The following GFI1B variants were observed in gnomAD, a reference collection of about 807,000 sequenced individuals.
GFI1B encodes the protein zinc finger protein Gfi-1b.
Under a neutral mutation model 35.3 loss-of-function variants are expected in GFI1B, and 20 were observed. The observed-to-expected ratio is 0.57, with a 90% confidence interval of 0.40 to 0.82. The LOEUF (loss-of-function observed/expected upper bound fraction) is 0.82, where lower values mean the gene tolerates loss of function less well. Ranked by LOEUF, GFI1B falls within the 40% of genes least tolerant of loss-of-function variation. GFI1B has a pLI of 0.00. For synonymous variants in GFI1B, 178 were observed against 177.6 expected, an observed-to-expected ratio of 1.00 and a Z score of -0.02; for missense variants, 430 against 446.3, an observed-to-expected ratio of 0.96 and a Z score of 0.33.
intron 1 of GFI1B, among the ~76,000 whole-genome samples, chr9:132,947,905 C>T (rs1441905037): frequency 7.0e-6 from 1 of 143,714 alleles, no homozygotes; most frequent in Non-Finnish European, 1.6e-5. Flanking sequence ...CGGCGTTTGC[C>T]GTATTTGAAC....
chr9:132,984,510 G>A (rs564694093), intron 1 of GFI1B, among the ~76,000 whole-genome samples: 21 of 152,182 alleles, frequency 1.4e-4, no homozygotes, highest in African/African-American at 2.9e-4. Context: ...GGCCTTGAGC[G>A]CGGCCCTGGC....
chr9:132,952,375 G>A (rs899015763), intron 1 of GFI1B: 18 of 152,004 alleles, frequency 1.2e-4, no homozygotes, highest in Admixed American at 3.9e-4. Context: ...GAGTATAGTG[G>A]CATGATCATG....
At chr9:132,982,005 G>C (rs1194557629) in intron 1 of GFI1B, among the ~76,000 whole-genome samples, 1 of 152,154 alleles carries the variant, frequency 6.6e-6, no homozygotes, top group Non-Finnish European at 1.5e-5. Context: ...CGCCTGCCTT[G>C]GCCTCCCAAA....
At chr9:132,948,796 G>T (rs984457418) in intron 1 of GFI1B, among the ~76,000 whole-genome samples, 1 of 152,252 alleles carries the variant, frequency 6.6e-6, no homozygotes, top group African/African-American at 2.4e-5. Context: ...GGCTTAGGCC[G>T]TCTCCTCTCC....
chr9:132,971,988 A>T (rs1004186852), intron 1 of GFI1B, among the ~76,000 whole-genome samples: 1 of 145,744 alleles, frequency 6.9e-6, no homozygotes, highest in Non-Finnish European at 1.5e-5. Flanking sequence ...AAAAAAAAAA[A>T]ATTGGGTTGG....
chr9:132,993,414 GAGT>G (rs1267342582), downstream of GFI1B, among the ~76,000 whole-genome samples: 1 of 152,174 alleles, frequency 6.6e-6, no homozygotes, highest in Non-Finnish European at 1.5e-5. Context: ...GGGATGCCAA[GAGT>G]AGACCAGAGC....
At chr9:132,960,157 C>CAACTTACTGGTGAGGGT (rs1292364003) in intron 1 of GFI1B, among the ~76,000 whole-genome samples, 3 of 152,140 alleles carry the variant, frequency 2.0e-5, no homozygotes, top group Admixed American at 2.0e-4. Context: ...GTGATGAGGG[C>CAACTTACTGGTGAGGGT]AACTTACTGG....
intron 1 of GFI1B, chr9:132,952,566 A>G (rs930010376): frequency 1.1e-4 from 17 of 152,218 alleles, no homozygotes; most frequent in African/African-American, 4.1e-4. Context: ...TTGGCCTCCC[A>G]AAGTACTGGG....
At chr9:132,985,234 C>A (rs1849000775) in intron 1 of GFI1B, among the ~76,000 whole-genome samples, 1 of 152,160 alleles carries the variant, frequency 6.6e-6, no homozygotes. Context: ...GGGGGCCAGG[C>A]AGGGCTCTCA....
chr9:132,977,955 A>C (rs1218591170), upstream of GFI1B, among the ~76,000 whole-genome samples: 1 of 152,148 alleles, frequency 6.6e-6, no homozygotes, highest in African/African-American at 2.4e-5. Flanking sequence ...CTCAAAGGTC[A>C]TATCTGGGGG....
chr9:132,987,420 G>C lies in GFI1B; in HGVS notation c.238+1G>C. On this transcript the variant is annotated splice_donor_variant, in intron 3 of 6. Transcript: ENST00000372122. LOFTEE classifies it high-confidence loss of function. ...TTGGCCAGGATGGCCCCGGCACCAG[G>C]TACCCCGCTGTGACCCACTGTCATT... is the stretch of plus-strand genomic sequence containing the variant. The C allele has an allele frequency of 1.9e-6, 3 of 1,614,238 alleles. No individual in the cohort carries two copies. Among genetic ancestry groups the C allele is most frequent in the Non-Finnish European group, 2.5e-6 (3 of 1,180,038 alleles).
At chr9:132,961,714 C>T (rs1848368298) in intron 1 of GFI1B, among the ~76,000 whole-genome samples, 1 of 151,914 alleles carries the variant, frequency 6.6e-6, no homozygotes, top group Non-Finnish European at 1.5e-5. Context: ...GCCTCAGCCT[C>T]CCCAGTAGCT....
At chr9:132,978,900 G>T (rs1346387382) in intron 1 of GFI1B, 59 bp downstream of exon 1, 1 of 152,264 alleles carries the variant, frequency 6.6e-6, no homozygotes, top group African/African-American at 2.4e-5. Flanking sequence ...GTGCGCCGCA[G>T]GTGGCTTCAC....
At chr9:132,963,410 G>A (rs181655002) in intron 1 of GFI1B, among the ~76,000 whole-genome samples, 65 of 152,302 alleles carry the variant, frequency 4.3e-4, no homozygotes, top group African/African-American at 1.3e-3. Context: ...AACCTGGGAG[G>A]CGGAGGTTGC....
At chr9:132,975,790 G>A (rs1346820318), upstream of GFI1B, among the ~76,000 whole-genome samples, 1 of 152,350 alleles carries the variant, frequency 6.6e-6, no homozygotes, top group Admixed American at 6.5e-5. Flanking sequence ...AAGCGATTTA[G>A]CTCTTGGGAG....
chr9:132,983,456 A>G (rs922988288), intron 1 of GFI1B, among the ~76,000 whole-genome samples: 1 of 151,832 alleles, frequency 6.6e-6, no homozygotes, highest in African/African-American at 2.4e-5. Flanking sequence ...CGGCCTCCCA[A>G]AATGTTGGGA....
At chr9:132,967,147 G>A (rs1252259473) in intron 1 of GFI1B, among the ~76,000 whole-genome samples, 1 of 152,116 alleles carries the variant, frequency 6.6e-6, no homozygotes, top group Non-Finnish European at 1.5e-5. Context: ...CTCTGTCTTC[G>A]GTGCTTGCCT....
chr9:132,975,071 G>A (rs1271266237), upstream of GFI1B: 1 of 152,218 alleles, frequency 6.6e-6, no homozygotes, highest in Non-Finnish European at 1.5e-5. Flanking sequence ...ACCAGCCTGG[G>A]CTACAGAGCA....
chr9:132,991,003 A>C lies in GFI1B; in HGVS notation c.946A>C (p.Lys316Gln). 1 of 1,614,148 alleles carries C rather than the reference A, an allele frequency of 6.2e-7. No homozygotes were observed. Among genetic ancestry groups the C allele is most frequent in the Non-Finnish European group, 8.5e-7 (1 of 1,179,970 alleles). The change falls in exon 7 of 7, where the codon AAG becomes CAG. Residue 316 changes from lysine (K) to glutamine (Q), a missense_variant. Coordinates refer to ENST00000372122, the MANE Select transcript of GFI1B (RefSeq NM_001377304.1). Reference protein sequence around the residue: ...CELCTKGFQRKVDLRRHRESQ... With the variant: ...CELCTKGFQRQVDLRRHRESQ... ...GCTGTGCACCAAAGGCTTCCAGCGC[A>C]AGGTGGACCTGCGGCGGCACCGCGA...
Sources: allele counts gnomAD v4.1 joint callset (sites outside exome capture counted in the v4.1 genomes callset), GRCh38; gene constraint gnomAD v4.1.1; transcripts MANE v1.5; gene names NCBI Gene and HGNC (gene_info 2026-07-23, HGNC 2026-07-21).